UTRN: variants seen among roughly 807,000 people sequenced by gnomAD.
UTRN encodes dystrophin-related protein 1.
UTRN carries 283 observed loss-of-function variants against 463.9 expected under a neutral mutation model. The observed-to-expected ratio is 0.61, with a 90% CI of 0.55 to 0.67. The LOEUF (loss-of-function observed/expected upper bound fraction) is 0.67, where lower values mean the gene tolerates loss of function less well. Ranked by LOEUF, UTRN falls within the 30% of genes least tolerant of loss-of-function variation. UTRN has a pLI of 0.00. For missense variants in UTRN, 3,922 were observed against 4,084.3 expected (o/e 0.96, Z 1.08); for synonymous variants, 1,442 against 1,431.5 (o/e 1.01, Z -0.17).
chr6:144,594,371 A>T (rs1052646158), intron 51 of UTRN, among the ~76,000 whole-genome samples: 1 of 152,054 alleles, frequency 6.6e-6, no homozygotes, highest in African/African-American at 2.4e-5. Context: ...ATGTGCATTT[A>T]TTTTTGTGGA....
rs774812547 is a variant in UTRN at position 144,489,776 on chromosome 6, C to T, written c.4135-295C>T. Among the ~76,000 whole-genome samples the T allele has an allele frequency of 7.9e-5, 12 of 151,934 alleles. No individual in the cohort carries two copies. The South Asian group carries it at 8.3e-4, about 11-fold the overall frequency. On this transcript the variant is annotated intron_variant, in intron 30 of 74. Coordinates refer to ENST00000367545, the MANE Select transcript of UTRN (RefSeq NM_007124.3). ...AGCTGGGATTATAGGCGCCCGCCACCGTGCCCAGCTAATTTTTGTATTTTT... is the reference window on the plus strand; with the variant it reads ...AGCTGGGATTATAGGCGCCCGCCACTGTGCCCAGCTAATTTTTGTATTTTT...
intron 51 of UTRN, among the ~76,000 whole-genome samples, chr6:144,601,017 C>A (rs376914103): frequency 1.1e-4 from 16 of 152,256 alleles, no homozygotes; most frequent in South Asian, 1.0e-3. Context: ...GACAGCACAC[C>A]TGTTTGCAGC....
At chr6:144,625,673 A>G (rs1472851265) in intron 51 of UTRN, among the ~76,000 whole-genome samples, 1 of 152,188 alleles carries the variant, frequency 6.6e-6, no homozygotes, top group Non-Finnish European at 1.5e-5. Context: ...AATACTTATG[A>G]ATTGATTTGC....
At chr6:144,546,740 T>C (rs1170091871) in intron 46 of UTRN, among the ~76,000 whole-genome samples, 1 of 152,086 alleles carries the variant, frequency 6.6e-6, no homozygotes, top group Admixed American at 6.5e-5. Flanking sequence ...ACTCAGGAGG[T>C]TGAGGCTGCA....
At chr6:144,480,547 G>A (rs1584955569) in intron 26 of UTRN, among the ~76,000 whole-genome samples, 1 of 152,146 alleles carries the variant, frequency 6.6e-6, no homozygotes, top group East Asian at 1.9e-4. Context: ...TAGGAATAGC[G>A]GTAGGAATGC....
intron 2 of UTRN, among the ~76,000 whole-genome samples, chr6:144,326,319 A>G (rs1434595561): frequency 6.7e-6 from 1 of 148,428 alleles, no homozygotes; most frequent in Admixed American, 6.7e-5. Flanking sequence ...TTTTTTTTTT[A>G]GTAGCCCTCT....
intron 65 of UTRN, among the ~76,000 whole-genome samples, chr6:144,812,397 A>C (rs1451647579): frequency 6.6e-6 from 1 of 152,160 alleles, no homozygotes; most frequent in Non-Finnish European, 1.5e-5. Context: ...ATTCTTCTAT[A>C]CCTTATCCTT....
At chr6:144,822,838 G>T (rs1779719376) in intron 66 of UTRN, among the ~76,000 whole-genome samples, 1 of 152,044 alleles carries the variant, frequency 6.6e-6, no homozygotes, top group Non-Finnish European at 1.5e-5. Context: ...TTATTACTTG[G>T]TGCTTTAATT....
intron 51 of UTRN, among the ~76,000 whole-genome samples, chr6:144,654,068 T>C (rs2128668571): frequency 6.6e-6 from 1 of 152,292 alleles, no homozygotes; most frequent in Admixed American, 6.5e-5. Context: ...TGTGTGATTG[T>C]GGTGTGTGAC....
intron 65 of UTRN, among the ~76,000 whole-genome samples, chr6:144,815,899 A>C (rs1779032495): frequency 6.6e-6 from 1 of 152,066 alleles, no homozygotes; most frequent in Non-Finnish European, 1.5e-5. Flanking sequence ...CCAAGTAATA[A>C]ATGAAAAATG....
chr6:144,830,941 A>G (rs533945550), intron 69 of UTRN, among the ~76,000 whole-genome samples: 1 of 152,328 alleles, frequency 6.6e-6, no homozygotes, highest in South Asian at 2.1e-4. Context: ...GGCCATGATC[A>G]AAAAGTATTT....
rs540641573 is a variant in UTRN at position 144,354,260 on chromosome 6, G to A, written c.80-48863G>A. Among the ~76,000 whole-genome samples, 3 of 152,268 alleles carry A rather than the reference G, an allele frequency of 2.0e-5. No homozygotes were observed. In the South Asian group the frequency reaches 6.2e-4, roughly 32 times the overall value. On this transcript the variant is annotated intron_variant, in intron 2 of 74. Transcript: ENST00000367545. Reference sequence around the variant, plus strand: ...TTGACAGGCTGATTGCAGAGGAGATGAAAAAATAAAGGGCAGAACAAAAAA... The same window carrying A: ...TTGACAGGCTGATTGCAGAGGAGATAAAAAAATAAAGGGCAGAACAAAAAA...
At chr6:144,685,219 C>G (rs935769608) in intron 52 of UTRN, among the ~76,000 whole-genome samples, 4 of 152,160 alleles carry the variant, frequency 2.6e-5, no homozygotes, top group African/African-American at 9.6e-5. Context: ...GTATTCTTTT[C>G]TATGGCTGAG....
chr6:144,777,334 AAAATT>A (rs1398431593), intron 60 of UTRN, among the ~76,000 whole-genome samples: 1 of 152,256 alleles, frequency 6.6e-6, no homozygotes, highest in African/African-American at 2.4e-5. Flanking sequence ...TTAGAACTAT[AAAATT>A]AAATGAAAAA....
In UTRN at chr6:144,850,973, T is replaced by C. The variant is rs1311135453; in HGVS notation, c.10294-16T>C. The C allele has an allele frequency of 6.2e-7, 1 of 1,613,608 alleles. No homozygotes were observed. Among genetic ancestry groups the C allele is most frequent in the East Asian group, 2.2e-5 (1 of 44,872 alleles). ...TTTGTGCAAATTTCTGACAGTGCTA[T>C]TTTCCCTTCCCATAGGCAATGTGAA... On this transcript the variant is annotated splice_polypyrimidine_tract_variant and intron_variant, in intron 74 of 74. Coordinates refer to ENST00000367545, the MANE Select transcript of UTRN (RefSeq NM_007124.3).
chr6:144,482,773 G>T (rs919716047), intron 27 of UTRN, among the ~76,000 whole-genome samples: 1 of 152,028 alleles, frequency 6.6e-6, no homozygotes, highest in African/African-American at 2.4e-5. Context: ...GTTTTGTTTT[G>T]CCTGGTTGAG....
chr6:144,556,868 A>G lies in UTRN; in HGVS notation c.7135-289A>G, dbSNP rs904022178. The stretch of plus-strand genomic sequence containing the variant: ...GGATCAGAGAGGTACAGCAGAAGGA[A>G]TGAAAAAGACAAATGGTTTGAGGAA... On this transcript the variant is annotated intron_variant, in intron 49 of 74. Transcript: ENST00000367545. Among the ~76,000 whole-genome samples the G allele has an allele frequency of 4.3e-4, 65 of 152,244 alleles. 1 individual carries two copies. The highest frequency in any genetic ancestry group is 1.0e-3 in the Admixed American group (16 of 15,282).
At chr6:144,836,631 G>A (rs1294407657) in intron 71 of UTRN, 90 bp downstream of exon 71, 7 of 1,530,894 alleles carry the variant, frequency 4.6e-6, no homozygotes, top group Middle Eastern at 2.4e-4. Flanking sequence ...GAGAGGCAGA[G>A]AAGTCCACTT....
chr6:144,455,747 T>C (rs771031092), intron 19 of UTRN, among the ~76,000 whole-genome samples: 3 of 152,196 alleles, frequency 2.0e-5, no homozygotes, highest in Admixed American at 1.3e-4. Context: ...TTTCTTTGCC[T>C]TGGTGTCTGG....
Sources: gnomAD v4.1 joint callset for allele counts (sites outside exome capture counted in the v4.1 genomes callset) on GRCh38, gnomAD v4.1.1 for gene constraint, MANE v1.5 for transcripts, NCBI Gene and HGNC (gene_info 2026-07-23, HGNC 2026-07-21) for gene names.